The following IRAG1 variants were observed in gnomAD, a reference collection of about 807,000 sequenced individuals.
IRAG1 encodes the protein IP3R-associated cGMP kinase substrate.
Under a neutral mutation model 106.2 loss-of-function variants are expected in IRAG1, and 62 were observed. The observed-to-expected ratio is 0.58, with a 90% confidence interval of 0.48 to 0.72. IRAG1 has a LOEUF of 0.72. Among genes scored for constraint, IRAG1 ranks in the 30% least tolerant of loss-of-function variants. The probability of loss-of-function intolerance (pLI) is 0.00; values close to 1 mark genes in which losing one functional copy is unlikely to be tolerated. For synonymous variants in IRAG1, 462 were observed against 443.9 expected, an observed-to-expected ratio of 1.04 and a Z score of -0.51; for missense variants, 1,064 against 1,140.7, an observed-to-expected ratio of 0.93 and a Z score of 0.97.
Position 10,603,115 on chromosome 11 carries a change from C to T in IRAG1, c.1875+5G>A, listed in dbSNP as rs1180274532. ...TTGGCAAGACCGGGGGCTGGAGAGA[C>T]TCACCTGGCGGACGGCGCCTACCAC... On this transcript the variant is annotated splice_donor_5th_base_variant and intron_variant, in intron 14 of 20. Coordinates refer to ENST00000423302, the MANE Select transcript of IRAG1 (RefSeq NM_130385.4). The T allele has an allele frequency of 6.2e-7, 1 of 1,608,476 alleles. No individual in the cohort carries two copies. The highest frequency in any genetic ancestry group is 1.3e-5 in the African/African-American group (1 of 74,968).
At chr11:10,584,399 C>A (rs1851707792) in intron 18 of IRAG1, among the ~76,000 whole-genome samples, 1 of 151,984 alleles carries the variant, frequency 6.6e-6, no homozygotes, top group Non-Finnish European at 1.5e-5. Flanking sequence ...ACCAGCTGTT[C>A]ATAACATTTC....
intron 2 of IRAG1, among the ~76,000 whole-genome samples, chr11:10,646,643 G>T (rs765773587): frequency 6.6e-6 from 1 of 152,120 alleles, no homozygotes; most frequent in Non-Finnish European, 1.5e-5. Flanking sequence ...GTTACGGGAG[G>T]GGAGGGGTGC....
In IRAG1 at chr11:10,623,921, CTCTG is replaced by C. The variant is rs1856026353; in HGVS notation, c.1369-69_1369-66del. 3.4e-6 allele frequency: 5 copies of C among 1,472,608 alleles called. No individual in the cohort carries two copies. The Admixed American group carries it at 6.7e-5, about 20-fold the overall frequency. The allele number at this position is 1,472,608 out of a possible 1,614,324, so 91.2% of individuals were successfully genotyped here. ...ACACTGGGCTGGGCTGTTCTCTTGGCTCTGTCTATGGTTCTGCGACCACTATCTT... is the reference window on the plus strand; with the variant it reads ...ACACTGGGCTGGGCTGTTCTCTTGGCTCTATGGTTCTGCGACCACTATCTT... On this transcript the variant is annotated intron_variant, in intron 9 of 20. Transcript: ENST00000423302.
chr11:10,667,406 GC>G (rs1038687403), intron 1 of IRAG1, among the ~76,000 whole-genome samples: 1 of 152,220 alleles, frequency 6.6e-6, no homozygotes, highest in Non-Finnish European at 1.5e-5. Context: ...GCTCTGCTCA[GC>G]CTGCAGGTCA....
At chr11:10,590,867 G>A (rs1376256964) in intron 18 of IRAG1, among the ~76,000 whole-genome samples, 2 of 152,118 alleles carry the variant, frequency 1.3e-5, no homozygotes, top group African/African-American at 2.4e-5. Context: ...CTTCTTCATG[G>A]AGTCATTTTG....
At chr11:10,599,051 A>G (rs1853648973) in intron 15 of IRAG1, among the ~76,000 whole-genome samples, 1 of 152,188 alleles carries the variant, frequency 6.6e-6, no homozygotes, top group African/African-American at 2.4e-5. Context: ...TTGGAAGAAC[A>G]ACTGGAGTGG....
rs1418722597 is a variant in IRAG1 at position 10,623,866 on chromosome 11, A to T, written c.1369-10T>A. The T allele has an allele frequency of 1.9e-6, 3 of 1,612,230 alleles. No individual in the cohort carries two copies. The highest frequency in any genetic ancestry group is 2.5e-6 in the Non-Finnish European group (3 of 1,178,262). On this transcript the variant is annotated splice_polypyrimidine_tract_variant and intron_variant, in intron 9 of 20. Transcript: ENST00000423302. ...TCATCAGGATGTGCTCCTTTGTGGT[A>T]AAAGAAAGAGATAACAATTTCAGAT...
At chr11:10,601,678 T>C (rs1854028626) in intron 14 of IRAG1, among the ~76,000 whole-genome samples, 1 of 152,214 alleles carries the variant, frequency 6.6e-6, no homozygotes, top group Admixed American at 6.5e-5. Flanking sequence ...CAAAGGAATT[T>C]GAACTTATTC....
chr11:10,673,511 C>T (rs190762905), intron 1 of IRAG1, among the ~76,000 whole-genome samples: 3 of 152,052 alleles, frequency 2.0e-5, no homozygotes, highest in African/African-American at 4.8e-5. Flanking sequence ...GGAAATGGGA[C>T]GTGGCTGTTA....
chr11:10,656,544 A>C (rs1201922835), intron 1 of IRAG1, among the ~76,000 whole-genome samples: 1 of 152,246 alleles, frequency 6.6e-6, no homozygotes, highest in Non-Finnish European at 1.5e-5. Flanking sequence ...TCATGAAAGA[A>C]AACAAACTAA....
chr11:10,597,307 T>C (rs902972289), intron 15 of IRAG1, among the ~76,000 whole-genome samples: 6 of 152,186 alleles, frequency 3.9e-5, no homozygotes, highest in African/African-American at 1.4e-4. Context: ...CTGTTTTTGA[T>C]CCATTATTTT....
At chr11:10,680,224 G>GATT (rs1282316188) in intron 1 of IRAG1, among the ~76,000 whole-genome samples, 1 of 139,044 alleles carries the variant, frequency 7.2e-6, no homozygotes, top group African/African-American at 2.6e-5. Flanking sequence ...AGTGAGCAGA[G>GATT]ATTACACCAC....
intron 18 of IRAG1, among the ~76,000 whole-genome samples, chr11:10,584,404 C>T (rs1470372801): frequency 6.6e-6 from 1 of 152,040 alleles, no homozygotes; most frequent in Non-Finnish European, 1.5e-5. Flanking sequence ...CTGTTCATAA[C>T]ATTTCTCCTT....
chr11:10,599,352 C>A (rs1276024791), intron 15 of IRAG1, among the ~76,000 whole-genome samples: 3 of 152,210 alleles, frequency 2.0e-5, no homozygotes, highest in Admixed American at 2.0e-4. Context: ...AACTGCTCAT[C>A]CTATAAATCT....
At chr11:10,693,336 G>T in intron 1 of IRAG1, 200 bp downstream of exon 1, 1 of 1,068,820 alleles carries the variant, frequency 9.4e-7, no homozygotes, top group Non-Finnish European at 1.3e-6. Flanking sequence ...GTTAGGACTG[G>T]CAAGATTCAC....
In IRAG1 at chr11:10,582,064, G is replaced by A. The variant is rs370028241; in HGVS notation, c.2241-78C>T. ...AAAAACAAAACCATGTTTTTGGCCCGATTCCTGATTAGGAGTGAGGAAACT... is the reference window on the plus strand; with the variant it reads ...AAAAACAAAACCATGTTTTTGGCCCAATTCCTGATTAGGAGTGAGGAAACT... On this transcript the variant is annotated intron_variant, in intron 18 of 20. Transcript: ENST00000423302. 7,595 of 1,511,302 alleles carry A rather than the reference G, an allele frequency of 5.0e-3. 35 individuals are homozygous for A. Among genetic ancestry groups the A allele is most frequent in the Non-Finnish European group, 5.8e-3 (6,557 of 1,120,864 alleles). 93.6% of individuals were successfully genotyped at this position (1,511,302 alleles called of 1,614,324 possible). A position where few individuals can be genotyped will look rare whatever the true frequency, so the allele number is the denominator to read the frequency against.
At chr11:10,672,733 T>C (rs1336805536) in intron 1 of IRAG1, among the ~76,000 whole-genome samples, 1 of 152,198 alleles carries the variant, frequency 6.6e-6, no homozygotes, top group Non-Finnish European at 1.5e-5. Flanking sequence ...AAATGTAAAA[T>C]GGCGTAACCG....
chr11:10,608,990 G>A (rs1231076281), intron 11 of IRAG1, among the ~76,000 whole-genome samples: 1 of 152,092 alleles, frequency 6.6e-6, no homozygotes, highest in African/African-American at 2.4e-5. Flanking sequence ...GAGTTAATTT[G>A]TGTGTTTTGT....
intron 15 of IRAG1, among the ~76,000 whole-genome samples, chr11:10,599,146 A>T (rs1158806343): frequency 6.6e-6 from 1 of 152,042 alleles, no homozygotes; most frequent in East Asian, 1.9e-4. Flanking sequence ...TGAATGTGGG[A>T]CTCTGTGGTG....
Sources: allele counts gnomAD v4.1 joint callset (sites outside exome capture counted in the v4.1 genomes callset), GRCh38; gene constraint gnomAD v4.1.1; transcripts MANE v1.5; gene names NCBI Gene and HGNC (gene_info 2026-07-23, HGNC 2026-07-21).